Variants in RGS12 observed in about 807,000 individuals in gnomAD.
RGS12 encodes the protein regulator of G-protein signaling 12.
RGS12 carries 66 observed loss-of-function variants against 120.1 expected under a neutral mutation model. That is an observed-to-expected ratio of 0.55 (90% CI 0.45 to 0.67). The LOEUF is 0.67. Among genes scored for constraint, RGS12 ranks in the 30% least tolerant of loss-of-function variants. RGS12 has a pLI of 0.00. For synonymous variants in RGS12, 827 were observed against 804.7 expected, an observed-to-expected ratio of 1.03 and a Z score of -0.47; for missense variants, 1,859 against 1,957.7, an observed-to-expected ratio of 0.95 and a Z score of 0.95.
At chr4:3,415,944 C>G in intron 6 of RGS12, 34 bp from the exon 7 acceptor site, 5 of 1,579,006 alleles carry the variant, frequency 3.2e-6, no homozygotes, top group Non-Finnish European at 3.4e-6. Flanking sequence ...GGAGAGGAAG[C>G]CTTGCCGGGC....
chr4:3,421,637 G>A (rs934012768), intron 10 of RGS12, among the ~76,000 whole-genome samples: 5 of 152,202 alleles, frequency 3.3e-5, no homozygotes, highest in African/African-American at 9.6e-5. Flanking sequence ...AGGACCCTTC[G>A]TTCGCCTCAC....
At chr4:3,371,071 T>C (rs777542919) in intron 3 of RGS12, among the ~76,000 whole-genome samples, 1 of 152,200 alleles carries the variant, frequency 6.6e-6, no homozygotes, top group Admixed American at 6.5e-5. Context: ...ACTACTAGTT[T>C]AGAGATGAGG....
At chr4:3,338,318 C>G (rs1325295753) in intron 2 of RGS12, among the ~76,000 whole-genome samples, 3 of 152,352 alleles carry the variant, frequency 2.0e-5, no homozygotes, top group East Asian at 3.9e-4. Flanking sequence ...CCTCGGCCTC[C>G]CAAAGAGTTG....
At chr4:3,421,236 G>A (rs899025324) in intron 10 of RGS12, among the ~76,000 whole-genome samples, 10 of 152,184 alleles carry the variant, frequency 6.6e-5, no homozygotes, top group African/African-American at 2.4e-4. Flanking sequence ...AGGGAGATGA[G>A]CAGGCGCAGG....
At chr4:3,434,520 AC>A (rs1560183694) in intron 17 of RGS12, among the ~76,000 whole-genome samples, 1 of 152,034 alleles carries the variant, frequency 6.6e-6, no homozygotes, top group East Asian at 1.9e-4. Context: ...CGACACAGGG[AC>A]CCTCCAAAAT....
At chr4:3,290,900 T>A (rs1722987527), upstream of RGS12, among the ~76,000 whole-genome samples, 1 of 152,270 alleles carries the variant, frequency 6.6e-6, no homozygotes, top group African/African-American at 2.4e-5. Context: ...CCTTCCAGCA[T>A]GACACTTGAC....
chr4:3,356,113 G>C (rs571879568), intron 3 of RGS12, among the ~76,000 whole-genome samples: 4 of 148,416 alleles, frequency 2.7e-5, no homozygotes, highest in Non-Finnish European at 5.9e-5. Flanking sequence ...GAGTGCAGTG[G>C]TGTAATCTTG....
intron 3 of RGS12, among the ~76,000 whole-genome samples, chr4:3,359,991 C>A (rs1410740210): frequency 6.6e-6 from 1 of 152,126 alleles, no homozygotes; most frequent in East Asian, 1.9e-4. Flanking sequence ...AACTCCTGGG[C>A]TCAAGTGATC....
chr4:3,296,854 T>C (rs541886163), intron 1 of RGS12, among the ~76,000 whole-genome samples: 1 of 152,276 alleles, frequency 6.6e-6, no homozygotes, highest in Admixed American at 6.5e-5. Context: ...CAAGCCCCAG[T>C]CATGAGAGGT....
At chr4:3,309,416 T>C (rs867990313) in intron 1 of RGS12, among the ~76,000 whole-genome samples, 3,249 of 126,386 alleles carry the variant, frequency 0.026, 65 homozygotes, top group South Asian at 0.039. Context: ...AGGTGTCCGC[T>C]GAGGGGAACC....
At chr4:3,346,309 T>G (rs561907402) in intron 3 of RGS12, among the ~76,000 whole-genome samples, 39 of 152,298 alleles carry the variant, frequency 2.6e-4, no homozygotes, top group Admixed American at 2.4e-3. Flanking sequence ...AGCTACTGAT[T>G]GTGAAATTTC....
intron 1 of RGS12, among the ~76,000 whole-genome samples, chr4:3,309,502 C>T (rs1368260090): frequency 1.3e-4 from 15 of 118,026 alleles, no homozygotes; most frequent in East Asian, 2.8e-4. Flanking sequence ...AGCTGGGACC[C>T]GGGAAATGGC....
chr4:3,306,947 A>G (rs1288520136), intron 1 of RGS12, among the ~76,000 whole-genome samples: 1 of 152,112 alleles, frequency 6.6e-6, no homozygotes, highest in African/African-American at 2.4e-5. Context: ...GCTTCTTCCT[A>G]GCTCCTCATT....
intron 3 of RGS12, among the ~76,000 whole-genome samples, chr4:3,353,740 G>A (rs1036137530): frequency 1.2e-4 from 19 of 152,134 alleles, no homozygotes; most frequent in Admixed American, 6.5e-4. Flanking sequence ...AAATGACCAT[G>A]GGTGGATCTG....
At chr4:3,342,600 C>G (rs759242010) in intron 2 of RGS12, 14 of 1,317,188 alleles carry the variant, frequency 1.1e-5, no homozygotes, top group Non-Finnish European at 2.0e-6. Flanking sequence ...ACTTTCCAAG[C>G]ACCCTTGCAC....
chr4:3,377,469 T>A (rs892007349), intron 3 of RGS12, among the ~76,000 whole-genome samples: 29 of 152,244 alleles, frequency 1.9e-4, no homozygotes, highest in African/African-American at 6.5e-4. Flanking sequence ...TCCGTTTTTT[T>A]AGGAACATCA....
intron 4 of RGS12, among the ~76,000 whole-genome samples, chr4:3,405,225 G>A (rs1203119): frequency 0.043 from 6,516 of 152,282 alleles, 191 homozygotes; most frequent in Non-Finnish European, 0.067. Flanking sequence ...AGTTCTGCAC[G>A]AAGCTTATTA....
chr4:3,427,928 C>A (rs1011383726), intron 14 of RGS12, among the ~76,000 whole-genome samples, 162 bp from the exon 15 acceptor site: 2 of 152,170 alleles, frequency 1.3e-5, no homozygotes, highest in African/African-American at 4.8e-5. Context: ...TCTCTCCTGT[C>A]CCATGGGGAC....
At chr4:3,344,236 G>A (rs1713571248) in intron 3 of RGS12, among the ~76,000 whole-genome samples, 1 of 152,146 alleles carries the variant, frequency 6.6e-6, no homozygotes, top group Non-Finnish European at 1.5e-5. Context: ...CCCTTGGATG[G>A]CCTGTTTAGC....
Sources: gnomAD v4.1 joint callset for allele counts (sites outside exome capture counted in the v4.1 genomes callset) on GRCh38, gnomAD v4.1.1 for gene constraint, MANE v1.5 for transcripts, NCBI Gene and HGNC (gene_info 2026-07-23, HGNC 2026-07-21) for gene names.